Variants in MDGA2 observed in about 807,000 individuals in gnomAD.
MDGA2 encodes the protein MAM domain containing glycosylphosphatidylinositol anchor 2.
In MDGA2, 40 loss-of-function variants were observed where a neutral mutation model predicts 117.8. The observed-to-expected ratio is 0.34, with a 90% CI of 0.26 to 0.44. The LOEUF is 0.44. MDGA2 is among the 20% of genes least tolerant of loss of function. The pLI is 1.00. For synonymous variants in MDGA2, 452 were observed against 439.0 expected (o/e 1.03, Z -0.37); for missense variants, 1,123 against 1,250.6 (o/e 0.90, Z 1.54).
At chr14:47,234,145 A>G (rs1476655201) in intron 2 of MDGA2, among the ~76,000 whole-genome samples, 1 of 151,860 alleles carries the variant, frequency 6.6e-6, no homozygotes, top group Non-Finnish European at 1.5e-5. Context: ...AAATTACCAG[A>G]CACAGTAACT....
intron 1 of MDGA2, among the ~76,000 whole-genome samples, chr14:47,556,634 C>A (rs1187598378): frequency 1.3e-5 from 2 of 152,144 alleles, no homozygotes; most frequent in Non-Finnish European, 2.9e-5. Context: ...ACCTTTGCAT[C>A]CCAGTCTGCA....
chr14:47,474,744 C>G (rs539995574), intron 1 of MDGA2, among the ~76,000 whole-genome samples: 1 of 152,218 alleles, frequency 6.6e-6, no homozygotes, highest in South Asian at 2.1e-4. Flanking sequence ...GAAAGGATTC[C>G]CTACTTAATA....
intron 8 of MDGA2, among the ~76,000 whole-genome samples, chr14:46,985,641 T>A (rs1229364592): frequency 6.6e-6 from 1 of 152,098 alleles, no homozygotes; most frequent in Non-Finnish European, 1.5e-5. Context: ...ATATGGCACT[T>A]ATCCTGACAA....
chr14:47,645,069 T>C (rs1464249355), intron 1 of MDGA2, among the ~76,000 whole-genome samples: 1 of 152,140 alleles, frequency 6.6e-6, no homozygotes, highest in Non-Finnish European at 1.5e-5. Flanking sequence ...ACAGACAGAC[T>C]GATTTTAGCC....
intron 2 of MDGA2, among the ~76,000 whole-genome samples, chr14:47,238,519 T>C (rs1289021700): frequency 6.6e-6 from 1 of 151,626 alleles, no homozygotes; most frequent in Non-Finnish European, 1.5e-5. Flanking sequence ...TTCAAGGTCT[T>C]ACGTGCTTAC....
intron 6 of MDGA2, among the ~76,000 whole-genome samples, chr14:47,081,025 T>C (rs1438866067): frequency 2.0e-5 from 3 of 152,186 alleles, no homozygotes; most frequent in Admixed American, 2.0e-4. Flanking sequence ...GCCTTCTTAC[T>C]CGTGTCTCTA....
At chr14:47,203,287 C>T (rs1231770597) in intron 3 of MDGA2, among the ~76,000 whole-genome samples, 2 of 151,664 alleles carry the variant, frequency 1.3e-5, no homozygotes, top group Non-Finnish European at 2.9e-5. Context: ...GAGGGCCTAT[C>T]GGGGCTTAGA....
intron 15 of MDGA2, among the ~76,000 whole-genome samples, chr14:46,851,662 A>G (rs541339338): frequency 6.6e-6 from 1 of 151,978 alleles, no homozygotes; most frequent in Non-Finnish European, 1.5e-5. Context: ...AATGCTAGTG[A>G]AAGAGACTCA....
At chr14:47,149,225 GGTT>G (rs1388548061) in intron 3 of MDGA2, among the ~76,000 whole-genome samples, 1 of 152,120 alleles carries the variant, frequency 6.6e-6, no homozygotes, top group Non-Finnish European at 1.5e-5. Context: ...GGGAGGTGAA[GGTT>G]GCAGTGAGCC....
At chr14:46,879,805 A>G (rs1882372663) in intron 11 of MDGA2, among the ~76,000 whole-genome samples, 1 of 152,166 alleles carries the variant, frequency 6.6e-6, no homozygotes, top group Admixed American at 6.6e-5. Context: ...AGATATTGAT[A>G]TTAATGCACT....
intron 1 of MDGA2, among the ~76,000 whole-genome samples, chr14:47,421,705 A>C (rs776617144): frequency 1.3e-5 from 2 of 152,144 alleles, no homozygotes; most frequent in African/African-American, 2.4e-5. Flanking sequence ...AACAAAATCA[A>C]ATTTAAAAGA....
At chr14:47,622,297 A>G (rs1009776827) in intron 1 of MDGA2, among the ~76,000 whole-genome samples, 6 of 152,224 alleles carry the variant, frequency 3.9e-5, no homozygotes, top group African/African-American at 1.4e-4. Context: ...TATTTATTGA[A>G]CACTTAACTA....
chr14:47,571,376 C>A (rs985196811), intron 1 of MDGA2, among the ~76,000 whole-genome samples: 3 of 152,130 alleles, frequency 2.0e-5, no homozygotes, highest in African/African-American at 2.4e-5. Context: ...AGTAGAAATA[C>A]CATTTGACAC....
chr14:47,626,788 G>A (rs140153211), intron 1 of MDGA2, among the ~76,000 whole-genome samples: 6,863 of 152,332 alleles, frequency 0.045, 145 homozygotes, highest in Middle Eastern at 0.068. Flanking sequence ...CCATGCCTGA[G>A]CATCCCCCAC....
At chr14:47,289,304 T>TACACACAC (rs3039467) in intron 2 of MDGA2, among the ~76,000 whole-genome samples, 16,694 of 140,432 alleles carry the variant, frequency 0.12, 1,140 homozygotes, top group Admixed American at 0.16. Flanking sequence ...TTTCTGGACT[T>TACACACAC]ACACACACAC....
intron 2 of MDGA2, among the ~76,000 whole-genome samples, chr14:47,250,570 G>A (rs868526258): frequency 3.3e-5 from 5 of 152,106 alleles, no homozygotes; most frequent in Non-Finnish European, 7.4e-5. Flanking sequence ...GGACTGAATC[G>A]ACTAGAGTTC....
At chr14:47,035,707 C>G (rs1566585438) in intron 7 of MDGA2, among the ~76,000 whole-genome samples, 1 of 152,128 alleles carries the variant, frequency 6.6e-6, no homozygotes, top group Non-Finnish European at 1.5e-5. Flanking sequence ...AACCTCTGAT[C>G]TAAAATCAAA....
Position 47,068,302 on chromosome 14 carries a change from G to C in MDGA2, c.1196-6724C>G, listed in dbSNP as rs571628851. Among the ~76,000 whole-genome samples, 257 of 151,384 alleles carry C rather than the reference G, an allele frequency of 1.7e-3. 1 individual carries two copies. The highest frequency in any genetic ancestry group is 4.0e-3 in the Admixed American group (61 of 15,190). On this transcript the variant is annotated intron_variant, in intron 6 of 16. Coordinates refer to ENST00000399232, the MANE Select transcript of MDGA2 (RefSeq NM_001113498.3). ...TAGGCAGGCACAATGTACTCTTTTT[G>C]GGGTAAATTCTTCTTAAGAAGGGGG...
At chr14:47,168,441 A>T (rs1883980251) in intron 3 of MDGA2, among the ~76,000 whole-genome samples, 1 of 152,084 alleles carries the variant, frequency 6.6e-6, no homozygotes, top group Non-Finnish European at 1.5e-5. Context: ...AAATTAATAC[A>T]CAACTCTTCA....
Sources: allele counts gnomAD v4.1 joint callset (sites outside exome capture counted in the v4.1 genomes callset), GRCh38; gene constraint gnomAD v4.1.1; transcripts MANE v1.5; gene names NCBI Gene and HGNC (gene_info 2026-07-23, HGNC 2026-07-21).